Variants in MAP6 observed in about 807,000 individuals in gnomAD.
MAP6 encodes microtubule-associated protein 6.
Under a neutral mutation model 42.4 loss-of-function variants are expected in MAP6, and 26 were observed. The ratio of observed to expected loss-of-function variants is 0.61; its 90% CI spans 0.45 to 0.85. The LOEUF is 0.85. Ranked by LOEUF, MAP6 falls within the 40% of genes least tolerant of loss-of-function variation. MAP6 has a pLI of 0.00. For missense variants in MAP6, 966 were observed against 1,099.0 expected, an observed-to-expected ratio of 0.88 and a Z score of 1.71; for synonymous variants, 418 against 443.8, an observed-to-expected ratio of 0.94 and a Z score of 0.73.
intron 3 of MAP6, among the ~76,000 whole-genome samples, chr11:75,598,650 G>A (rs1942621174): frequency 6.6e-6 from 1 of 152,210 alleles, no homozygotes; most frequent in African/African-American, 2.4e-5. Flanking sequence ...CATGGTGAAT[G>A]TGGAGGCAGA....
intron 1 of MAP6, chr11:75,642,949 T>C (rs1943497999): frequency 2.2e-6 from 1 of 449,852 alleles, no homozygotes; most frequent in Non-Finnish European, 4.6e-6. Flanking sequence ...AAAAAATTCA[T>C]GTCAGAATAC....
chr11:75,647,347 CAAAAAA>C, intron 1 of MAP6, among the ~76,000 whole-genome samples: 26 of 44,188 alleles, frequency 5.9e-4, no homozygotes, highest in African/African-American at 2.1e-3. Flanking sequence ...CCCACCTGAT[CAAAAAA>C]AAAAAAAAAA....
At chr11:75,630,066 G>A (rs1943261970) in intron 1 of MAP6, among the ~76,000 whole-genome samples, 1 of 152,214 alleles carries the variant, frequency 6.6e-6, no homozygotes, top group Admixed American at 6.5e-5. Context: ...ATGCGAGTGT[G>A]TGTGCATGTG....
chr11:75,598,016 C>T (rs1414664306), intron 3 of MAP6, among the ~76,000 whole-genome samples: 1 of 152,226 alleles, frequency 6.6e-6, no homozygotes, highest in African/African-American at 2.4e-5. Context: ...TTTTGCATGC[C>T]TCCCCATGGG....
chr11:75,646,582 A>T (rs1160038027), intron 1 of MAP6, among the ~76,000 whole-genome samples: 2 of 151,126 alleles, frequency 1.3e-5, no homozygotes, highest in Admixed American at 6.6e-5. Context: ...AGGTGGGCGG[A>T]TCACCTGAGG....
chr11:75,609,739 A>T (rs1284369906), intron 1 of MAP6, among the ~76,000 whole-genome samples: 1 of 152,194 alleles, frequency 6.6e-6, no homozygotes, highest in Non-Finnish European at 1.5e-5. Context: ...TCATATGTGA[A>T]GAGAGACTAC....
chr11:75,668,894 TCCGCCGCTGCCCGCGAGGATGCCGCAG>T lies in MAP6; in HGVS notation c.-552_-526del. The T allele has an allele frequency of 6.1e-6, 1 of 163,418 alleles. No individual in the cohort carries two copies. The highest frequency in any genetic ancestry group is 1.3e-5 in the Non-Finnish European group (1 of 75,200). 10.1% of individuals were successfully genotyped at this position (163,418 alleles called of 1,614,324 possible). A position where few individuals can be genotyped will look rare whatever the true frequency, so the allele number is the denominator to read the frequency against. ...CCAGCGGAGACCGAGCATTGCTGCC[TCCGCCGCTGCCCGCGAGGATGCCGCAG>T]CCGCCGCCGCCACCGCCTCTTCTCC... On this transcript the variant is annotated 5_prime_UTR_variant, in exon 1 of 4. Transcript: ENST00000304771.
intron 1 of MAP6, among the ~76,000 whole-genome samples, chr11:75,648,404 G>A (rs974464393): frequency 3.9e-5 from 6 of 152,080 alleles, no homozygotes; most frequent in Non-Finnish European, 5.9e-5. Context: ...AGGCTGAGGC[G>A]GGAGGATTGC....
At chr11:75,648,025 T>C (rs972811871) in intron 1 of MAP6, among the ~76,000 whole-genome samples, 4 of 152,094 alleles carry the variant, frequency 2.6e-5, no homozygotes, top group African/African-American at 7.2e-5. Flanking sequence ...TGCTATATAA[T>C]AGTGGGAACT....
chr11:75,596,068 T>C (rs1034463071), intron 3 of MAP6: 5 of 152,382 alleles, frequency 3.3e-5, no homozygotes, highest in African/African-American at 9.6e-5. Context: ...TTCCTATTTT[T>C]AACTTAGCAC....
chr11:75,602,540 A>G (rs912822540), intron 3 of MAP6, among the ~76,000 whole-genome samples: 1 of 152,230 alleles, frequency 6.6e-6, no homozygotes, highest in Non-Finnish European at 1.5e-5. Context: ...GGAAGGAGGC[A>G]GAGAGTCAGA....
At chr11:75,619,264 A>T (rs1943063144) in intron 1 of MAP6, among the ~76,000 whole-genome samples, 1 of 152,208 alleles carries the variant, frequency 6.6e-6, no homozygotes, top group South Asian at 2.1e-4. Context: ...AAAAAAATTG[A>T]CTCAAGAAGA....
chr11:75,593,928 T>G (rs1042326490), intron 3 of MAP6, among the ~76,000 whole-genome samples: 8 of 152,120 alleles, frequency 5.3e-5, no homozygotes. Context: ...GGGGCACACA[T>G]CTCCAGGCCT....
chr11:75,626,115 G>A (rs949284225), intron 1 of MAP6, among the ~76,000 whole-genome samples: 6 of 152,068 alleles, frequency 3.9e-5, no homozygotes, highest in African/African-American at 7.2e-5. Context: ...GCTTCCACAC[G>A]GCATCCCAGT....
intron 1 of MAP6, among the ~76,000 whole-genome samples, chr11:75,665,161 G>A (rs1013909012): frequency 1.3e-5 from 2 of 152,220 alleles, no homozygotes; most frequent in East Asian, 1.9e-4. Context: ...CACCAGCTCC[G>A]AGGGCATAGC....
Position 75,667,362 on chromosome 11 carries a change from G to A in MAP6, c.905+103C>T. On this transcript the variant is annotated intron_variant, in intron 1 of 3. Transcript: ENST00000304771. The surrounding 1 kb of genome is among the most constrained non-coding windows in gnomAD (Gnocchi z 5.6). The stretch of plus-strand genomic sequence containing the variant: ...GAGAGGGTGTGGCCTGGGACTGGAG[G>A]GAGGCTGCACGCTAGGCCTGCGCTG... 9.0e-7 allele frequency: 1 copy of A among 1,115,092 alleles called. No homozygotes were observed. Among genetic ancestry groups the A allele is most frequent in the Non-Finnish European group, 1.2e-6 (1 of 840,058 alleles). 69.1% of individuals were successfully genotyped at this position (1,115,092 alleles called of 1,614,324 possible).
At chr11:75,666,889 T>C (rs1943957017) in intron 1 of MAP6, among the ~76,000 whole-genome samples, 1 of 152,084 alleles carries the variant, frequency 6.6e-6, no homozygotes, top group South Asian at 2.1e-4. Flanking sequence ...GGAAGGACAA[T>C]GACTTCAAAG....
chr11:75,661,627 G>A (rs1387642962), intron 1 of MAP6, among the ~76,000 whole-genome samples: 1 of 151,988 alleles, frequency 6.6e-6, no homozygotes, highest in East Asian at 1.9e-4. Context: ...CATTCAATAA[G>A]ATTCAACAGC....
intron 3 of MAP6, 46 bp downstream of exon 3, chr11:75,605,762 G>T: frequency 2.5e-6 from 4 of 1,587,708 alleles, no homozygotes; most frequent in South Asian, 1.2e-5. Context: ...AAGTTGGGGG[G>T]AGGGAGAGAG....
Sources: allele counts gnomAD v4.1 joint callset (sites outside exome capture counted in the v4.1 genomes callset), GRCh38; gene constraint gnomAD v4.1.1; non-coding constraint Gnocchi (gnomAD v3.1); transcripts MANE v1.5; gene names NCBI Gene and HGNC (gene_info 2026-07-23, HGNC 2026-07-21).